DENND1A: variants seen among roughly 807,000 people sequenced by gnomAD.
DENND1A encodes the protein DENN domain-containing protein 1A.
In DENND1A, 51 loss-of-function variants were observed where a neutral mutation model predicts 113.7. The observed-to-expected ratio is 0.45, with a 90% CI of 0.36 to 0.57. DENND1A has a LOEUF of 0.57. DENND1A is among the 20% of genes least tolerant of loss of function. DENND1A has a pLI of 0.00. For synonymous variants in DENND1A, 565 were observed against 570.8 expected, an observed-to-expected ratio of 0.99 and a Z score of 0.14; for missense variants, 1,258 against 1,395.9, an observed-to-expected ratio of 0.90 and a Z score of 1.57.
chr9:123,830,524 C>G (rs2132758169), intron 2 of DENND1A, among the ~76,000 whole-genome samples: 1 of 151,930 alleles, frequency 6.6e-6, no homozygotes, highest in South Asian at 2.1e-4. Flanking sequence ...AAACCTATAG[C>G]CACCGTGGTA....
chr9:123,913,130 A>C (rs1057240853), intron 1 of DENND1A, among the ~76,000 whole-genome samples: 1 of 151,894 alleles, frequency 6.6e-6, no homozygotes, highest in Non-Finnish European at 1.5e-5. Context: ...AAAAAAAAAA[A>C]AAAAAAAACC....
intron 12 of DENND1A, among the ~76,000 whole-genome samples, chr9:123,576,137 A>G (rs1403089632): frequency 6.6e-6 from 1 of 152,198 alleles, no homozygotes; most frequent in Non-Finnish European, 1.5e-5. Flanking sequence ...GGTTTACAAC[A>G]TAAATCTCTA....
In DENND1A at chr9:123,697,881, A is replaced by G. The variant is rs2065627043; in HGVS notation, c.303-21092T>C. On this transcript the variant is annotated intron_variant, in intron 5 of 23. Transcript: ENST00000394215. ...TTAACATGGAAATGAAAGTGAAAAG[A>G]CATTCTAAATATAAACACAACCTTT... 4.6e-5 allele frequency among the ~76,000 whole-genome samples: 7 copies of G among 152,340 alleles called. No individual in the cohort carries two copies. The South Asian group carries it at 1.5e-3, about 32-fold the overall frequency.
At chr9:123,507,112 C>G (rs914909197) in intron 13 of DENND1A, among the ~76,000 whole-genome samples, 2 of 152,202 alleles carry the variant, frequency 1.3e-5, no homozygotes, top group Admixed American at 6.5e-5. Flanking sequence ...TAGCTTGAAC[C>G]TGGGAGATGG....
intron 6 of DENND1A, among the ~76,000 whole-genome samples, chr9:123,675,748 A>T (rs1255719759): frequency 6.6e-6 from 1 of 152,232 alleles, no homozygotes; most frequent in Admixed American, 6.5e-5. Flanking sequence ...ATCGTGACCC[A>T]GGCACTCTCT....
At chr9:123,450,641 C>T in intron 18 of DENND1A, 52 bp downstream of exon 18, 1 of 1,490,924 alleles carries the variant, frequency 6.7e-7, no homozygotes, top group South Asian at 1.2e-5. Flanking sequence ...TTTTTTGTGG[C>T]CATGCATTTC....
intron 8 of DENND1A, among the ~76,000 whole-genome samples, chr9:123,661,077 G>A (rs1244522220): frequency 3.3e-5 from 5 of 152,190 alleles, no homozygotes; most frequent in African/African-American, 7.2e-5. Context: ...TTAAAGCTAC[G>A]GATAAGGTGG....
At chr9:123,882,314 C>T (rs1180546734) in intron 1 of DENND1A, among the ~76,000 whole-genome samples, 2 of 131,268 alleles carry the variant, frequency 1.5e-5, no homozygotes, top group East Asian at 2.3e-4. Flanking sequence ...CATAGCAAAA[C>T]CTTGTTTCAA....
chr9:123,610,807 G>A (rs554156029), intron 10 of DENND1A, among the ~76,000 whole-genome samples: 5 of 152,108 alleles, frequency 3.3e-5, no homozygotes, highest in African/African-American at 1.2e-4. Flanking sequence ...AGACAGGAGA[G>A]GTTTGCTTCC....
Position 123,525,995 on chromosome 9 carries a change from A to G in DENND1A, c.993+31575T>C, listed in dbSNP as rs181067245. Among the ~76,000 whole-genome samples, 268 of 152,116 alleles carry G rather than the reference A, an allele frequency of 1.8e-3. 4 individuals carry two copies. Among genetic ancestry groups the G allele is most frequent in the East Asian group, 2.9e-3 (15 of 5,170 alleles). ...GGTCTCAAACTCCTGGGCTCAAGTG[A>G]TCCTCCCACATTGGCCTCCCAAAAT... On this transcript the variant is annotated intron_variant, in intron 13 of 23. Transcript: ENST00000394215.
At chr9:123,819,502 T>C (rs1002550119) in intron 2 of DENND1A, among the ~76,000 whole-genome samples, 11 of 152,204 alleles carry the variant, frequency 7.2e-5, no homozygotes, top group African/African-American at 2.7e-4. Context: ...GATTATATCT[T>C]AAAGACTGGG....
At chr9:123,530,282 C>A (rs761949650) in intron 13 of DENND1A, among the ~76,000 whole-genome samples, 1 of 151,768 alleles carries the variant, frequency 6.6e-6, no homozygotes, top group Non-Finnish European at 1.5e-5. Flanking sequence ...GAATATAAGG[C>A]GAAAGAGAAC....
chr9:123,857,316 G>A (rs1173922453), intron 2 of DENND1A, among the ~76,000 whole-genome samples: 1 of 152,152 alleles, frequency 6.6e-6, no homozygotes, highest in Non-Finnish European at 1.5e-5. Context: ...GGAACAAATT[G>A]AATAATTCAA....
intron 5 of DENND1A, among the ~76,000 whole-genome samples, chr9:123,688,302 G>A (rs989772759): frequency 2.0e-5 from 3 of 152,172 alleles, no homozygotes; most frequent in Non-Finnish European, 2.9e-5. Context: ...TTTCAGTAAA[G>A]TGTATGTTAC....
intron 17 of DENND1A, 118 bp from the exon 18 acceptor site, chr9:123,450,867 G>A (rs566251809): frequency 2.7e-6 from 2 of 742,478 alleles, no homozygotes; most frequent in East Asian, 2.9e-5. Flanking sequence ...AGGAAAAATG[G>A]GATCATCAAG....
intron 12 of DENND1A, among the ~76,000 whole-genome samples, chr9:123,571,492 T>C (rs766986123): frequency 6.6e-6 from 1 of 152,244 alleles, no homozygotes; most frequent in Non-Finnish European, 1.5e-5. Context: ...AGGCAACCAC[T>C]GATCTGCTTT....
rs2046578733 is a variant in DENND1A, at chr9:123,437,078, G to C, written c.1488+3282C>G. ...GCCTGGAGATGAAGAGGGAGCCTCT[G>C]GGGGGCCCTGGGAGTGCTTGGAGCC... On this transcript the variant is annotated intron_variant, in intron 19 of 23. Coordinates refer to ENST00000394215, the MANE Select transcript of DENND1A (RefSeq NM_001352964.2). Among the ~76,000 whole-genome samples, 5 of 152,236 alleles carry C rather than the reference G, an allele frequency of 3.3e-5. No individual in the cohort carries two copies. The South Asian group carries it at 1.0e-3, about 32-fold the overall frequency.
intron 1 of DENND1A, among the ~76,000 whole-genome samples, chr9:123,893,870 T>C (rs946875917): frequency 6.6e-6 from 1 of 152,174 alleles, no homozygotes; most frequent in African/African-American, 2.4e-5. Context: ...TCAAGATGCA[T>C]CTAGAACAGT....
At chr9:123,407,912 C>T (rs2044005316) in intron 20 of DENND1A, among the ~76,000 whole-genome samples, 2 of 152,254 alleles carry the variant, frequency 1.3e-5, no homozygotes, top group Non-Finnish European at 2.9e-5. Context: ...AGGCCGACGG[C>T]AGCCTGCCTT....
Sources: gnomAD v4.1 joint callset for allele counts (sites outside exome capture counted in the v4.1 genomes callset) on GRCh38, gnomAD v4.1.1 for gene constraint, MANE v1.5 for transcripts, NCBI Gene and HGNC (gene_info 2026-07-23, HGNC 2026-07-21) for gene names.